Variants in TYK2 observed in about 807,000 individuals in gnomAD.
TYK2 encodes non-receptor tyrosine-protein kinase TYK2.
TYK2 carries 65 observed loss-of-function variants against 130.9 expected under a neutral mutation model. The ratio of observed to expected loss-of-function variants is 0.50; its 90% CI spans 0.41 to 0.61. The LOEUF (loss-of-function observed/expected upper bound fraction) is 0.61, where lower values mean the gene tolerates loss of function less well. Ranked by LOEUF, TYK2 falls within the 20% of genes least tolerant of loss-of-function variation. TYK2 has a pLI of 0.00. For missense variants in TYK2, 1,378 were observed against 1,610.7 expected (o/e 0.86, Z 2.47); for synonymous variants, 647 against 658.9 (o/e 0.98, Z 0.28).
rs754148696 is a variant in TYK2, at chr19:10,362,159, CATG to C, written c.1689_1691del (p.Ile563del). On this transcript the variant is annotated inframe_deletion, in exon 12 of 25. Transcript: ENST00000525621. Reference sequence around the variant, plus strand: ...TCCTGGGGCTGGCCCGAGCCCCCCGCATGATGATGAGATTGGAGGTTTCTGGGG... The same window carrying C: ...TCCTGGGGCTGGCCCGAGCCCCCCGCATGATGAGATTGGAGGTTTCTGGGG... 72 of 1,613,868 alleles carry C rather than the reference CATG, an allele frequency of 4.5e-5. No individual in the cohort carries two copies. The African/African-American group carries it at 7.7e-4, about 17-fold the overall frequency.
At chr19:10,378,836 T>C (rs1285449280) in intron 2 of TYK2, among the ~76,000 whole-genome samples, 1 of 16,646 alleles carries the variant, frequency 6.0e-5, no homozygotes, top group African/African-American at 2.3e-4. Flanking sequence ...TTATTTTATA[T>C]CTTATCTTAT....
intron 18 of TYK2, 100 bp from the exon 19 acceptor site, chr19:10,354,709 A>G (rs1379307928): frequency 1.0e-6 from 1 of 974,864 alleles, no homozygotes; most frequent in African/African-American, 1.6e-5. Context: ...CCAGGATCCG[A>G]TTCTAGAGGT....
chr19:10,377,508 G>C (rs1417352475), intron 3 of TYK2, among the ~76,000 whole-genome samples: 2 of 76,454 alleles, frequency 2.6e-5, no homozygotes, highest in African/African-American at 5.0e-5. Flanking sequence ...AGGTGGGTGA[G>C]TGGGTGAGTG....
chr19:10,361,854 G>A lies in TYK2; in HGVS notation c.1875C>T (p.Asp625=). Residue 625 remains aspartate, a synonymous_variant, in exon 13 of 25, where the codon GAC becomes GAT. Transcript: ENST00000525621. The surrounding 1 kb of genome is among the most constrained non-coding windows in gnomAD (Gnocchi z 4.0). ...CACGGTCCCTGCCAGGCACGAGGGG[G>A]TCCTCGTCATCCATCTTGCCCTCCT... is the stretch of plus-strand genomic sequence containing the variant. ...DPEEGKMDDE[D]PLVPGRDRGQ... 1 of 1,613,998 alleles carries A rather than the reference G, an allele frequency of 6.2e-7. No individual in the cohort carries two copies. The highest frequency in any genetic ancestry group is 8.5e-7 in the Non-Finnish European group (1 of 1,179,986).
chr19:10,354,601 C>G lies in TYK2; in HGVS notation c.2626G>C (p.Asp876His), dbSNP rs1445669955. Residue 876 changes from aspartate to histidine, a missense_variant, in exon 19 of 25, where the codon GAC (aspartate) becomes CAC (histidine). By Grantham distance (81) the Asp-to-His change is moderately conservative. Transcript: ENST00000525621. ...GAGTCCGGGTTCACAGTCAAGACGT[C>G]AGCAAGATCTGGAAGAGTTGCGGTG... ...LTRLQPHNLA[D>H]VLTVNPDSPA... 6.2e-7 allele frequency: 1 copy of G among 1,614,004 alleles called. No individual in the cohort carries two copies.
intron 3 of TYK2, among the ~76,000 whole-genome samples, chr19:10,371,855 C>T (rs926234345): frequency 1.5e-4 from 23 of 152,224 alleles, no homozygotes; most frequent in South Asian, 8.3e-4. Context: ...CAATGGTCTC[C>T]CCTTTTCCAT....
chr19:10,353,510 G>A lies in TYK2; in HGVS notation c.3027+18C>T. 1 of 1,481,656 alleles carries A rather than the reference G, an allele frequency of 6.7e-7. No individual in the cohort carries two copies. Among genetic ancestry groups the A allele is most frequent in the Non-Finnish European group, 9.0e-7 (1 of 1,108,148 alleles). The allele number at this position is 1,481,656 out of a possible 1,614,324, so 91.8% of individuals were successfully genotyped here. On this transcript the variant is annotated intron_variant, in intron 21 of 24. Transcript: ENST00000525621. The surrounding 1 kb of genome is among the most constrained non-coding windows in gnomAD (Gnocchi z 6.9). ...GAGGAAGGGGCAAGCTCCAGAAGCAGGGGCGGGGCCGACCAACCTCGCAGA... is the reference window on the plus strand; with the variant it reads ...GAGGAAGGGGCAAGCTCCAGAAGCAAGGGCGGGGCCGACCAACCTCGCAGA...
rs767061199 is a variant in TYK2, at chr19:10,357,887, G to A, written c.2343C>T (p.Pro781=). ...ERVERIPWLA[P]ECLPGGANSL... is the part of the protein sequence containing the mutation. ...TGTTGGCCCCACCTGGTAGGCATTC[G>A]GGGGCCAGCCAGGGGATCCTCTCCA... The change falls in exon 17 of 25, where the codon CCC becomes CCT. Residue 781 remains proline (P), a synonymous_variant. Coordinates refer to ENST00000525621, the MANE Select transcript of TYK2 (RefSeq NM_003331.5). 32 of 1,613,398 alleles carry A rather than the reference G, an allele frequency of 2.0e-5. No homozygotes were observed. Among genetic ancestry groups the A allele is most frequent in the Middle Eastern group, 1.6e-4 (1 of 6,084 alleles).
At chr19:10,356,473 C>G in intron 18 of TYK2, 95 bp downstream of exon 18, 1 of 1,521,628 alleles carries the variant, frequency 6.6e-7, no homozygotes. Flanking sequence ...CACCCTGAAC[C>G]ACTGTGCAGA....
chr19:10,359,036 C>G (rs1017082733), intron 15 of TYK2, 139 bp downstream of exon 15: 22 of 1,174,104 alleles, frequency 1.9e-5, no homozygotes, highest in Non-Finnish European at 2.4e-5. Flanking sequence ...GCACTCCAGC[C>G]TGGGTGACAG....
At chr19:10,367,231 A>G (rs1223152572) in intron 5 of TYK2, among the ~76,000 whole-genome samples, 1 of 152,032 alleles carries the variant, frequency 6.6e-6, no homozygotes, top group Non-Finnish European at 1.5e-5. Flanking sequence ...AGAGACCACC[A>G]TTTACTGGAA....
chr19:10,358,791 G>T (rs144747247), intron 15 of TYK2, among the ~76,000 whole-genome samples: 1 of 152,018 alleles, frequency 6.6e-6, no homozygotes, highest in Non-Finnish European at 1.5e-5. Context: ...CCAGCTGGGC[G>T]TGGTGGCTCA....
intron 3 of TYK2, among the ~76,000 whole-genome samples, chr19:10,374,110 CA>C (rs1187862090): frequency 6.6e-6 from 1 of 151,864 alleles, no homozygotes; most frequent in African/African-American, 2.4e-5. Flanking sequence ...ACTAAAAATA[CA>C]AAAAATTAGC....
At position 10,378,253 on chromosome 19, in the gene TYK2, T is replaced by G. The variant is rs1484227289; in HGVS notation, c.154A>C (p.Thr52Pro). 1 of 1,612,758 alleles carries G rather than the reference T, an allele frequency of 6.2e-7. No individual in the cohort carries two copies. Among genetic ancestry groups the G allele is most frequent in the African/African-American group, 1.3e-5 (1 of 74,850 alleles). ...PWVTFSESSLTAEEVCIHIAH... is the reference protein window; with the variant it reads ...PWVTFSESSLPAEEVCIHIAH... Reference sequence around the variant, plus strand: ...ATGTGGATGCAGACTTCCTCAGCTGTCAGCGATGACTCACTGAAAGTGACC... The same window carrying G: ...ATGTGGATGCAGACTTCCTCAGCTGGCAGCGATGACTCACTGAAAGTGACC... The change falls in exon 3 of 25, where the codon ACA (threonine) becomes CCA (proline). Residue 52 changes from threonine (T) to proline (P), a missense_variant. By Grantham distance (38) the Thr-to-Pro change is conservative. Transcript: ENST00000525621.
chr19:10,374,808 G>A (rs1010930401), intron 3 of TYK2, among the ~76,000 whole-genome samples: 5 of 152,024 alleles, frequency 3.3e-5, no homozygotes, highest in Non-Finnish European at 7.4e-5. Flanking sequence ...GCTAGAACCC[G>A]GGAGGCGGAG....
chr19:10,357,982 C>T, intron 16 of TYK2, 21 bp downstream of exon 16: 2 of 1,613,478 alleles, frequency 1.2e-6, no homozygotes, highest in Admixed American at 1.7e-5. Context: ...CCACTGTGCC[C>T]AGGTCCCCTC....
rs377553523 is a variant in TYK2 at position 10,368,436 on chromosome 19, C to T, written c.194-18G>A. On this transcript the variant is annotated intron_variant, in intron 3 of 24. Transcript: ENST00000525621. ...AGTGATACCTGGATCAGGTGAGAAA[C>T]GAGGTCAGGAGTCACGTCATTTGCT... 40 of 1,613,958 alleles carry T rather than the reference C, an allele frequency of 2.5e-5. No individual in the cohort carries two copies. Among genetic ancestry groups the T allele is most frequent in the African/African-American group, 2.4e-4 (18 of 75,010 alleles).
At position 10,362,077 on chromosome 19, in the gene TYK2, C is replaced by G. The variant is rs777488795; in HGVS notation, c.1773+1G>C. The G allele has an allele frequency of 6.2e-7, 1 of 1,614,100 alleles. No individual in the cohort carries two copies. The highest frequency in any genetic ancestry group is 8.5e-7 in the Non-Finnish European group (1 of 1,179,982). On this transcript the variant is annotated splice_donor_variant, in intron 12 of 24. Transcript: ENST00000525621. LOFTEE classifies it high-confidence loss of function. ...GCCCCGGGCCCCTTCCCTGCACCCACCTGGGTGATCTCCTTCTGGTCAACC... is the reference window on the plus strand; with the variant it reads ...GCCCCGGGCCCCTTCCCTGCACCCAGCTGGGTGATCTCCTTCTGGTCAACC...
Position 10,361,564 on chromosome 19 carries a change from A to C in TYK2, c.1994T>G (p.Val665Gly). The change falls in exon 14 of 25, where the codon GTC (valine) becomes GGC (glycine). Residue 665 changes from valine to glycine, a missense_variant. Transcript: ENST00000525621. This position sits in a 1 kb window ranked among gnomAD's most constrained non-coding sequence, Gnocchi z 4.0. Reference protein sequence around the residue: ...FYETASLMSQVSHTHLAFVHG... With the variant: ...FYETASLMSQGSHTHLAFVHG... ...CACGAAGGCCAGGTGCGTGTGGGAG[A>C]CCTGGCTCATGAGGCTGGCTGTCTC... The C allele has an allele frequency of 6.5e-7, 1 of 1,548,536 alleles. No individual in the cohort carries two copies. Among genetic ancestry groups the C allele is most frequent in the Non-Finnish European group, 8.7e-7 (1 of 1,147,032 alleles).
Sources: gnomAD v4.1 joint callset for allele counts (sites outside exome capture counted in the v4.1 genomes callset) on GRCh38, gnomAD v4.1.1 for gene constraint, Gnocchi (gnomAD v3.1) non-coding constraint, MANE v1.5 for transcripts, NCBI Gene and HGNC (gene_info 2026-07-23, HGNC 2026-07-21) for gene names.